The following ACVR1 variants were observed in gnomAD, a reference collection of about 807,000 sequenced individuals.
ACVR1 encodes activin A receptor type 1.
A neutral mutation model predicts 57.1 loss-of-function variants in ACVR1; 38 were observed. The observed-to-expected ratio is 0.67, with a 90% CI of 0.51 to 0.87. The LOEUF is 0.87. ACVR1 is among the 40% of genes least tolerant of loss of function. ACVR1 has a pLI of 0.00. For synonymous variants in ACVR1, 212 were observed against 228.1 expected, an observed-to-expected ratio of 0.93 and a Z score of 0.63; for missense variants, 463 against 638.2, an observed-to-expected ratio of 0.73 and a Z score of 2.96.
chr2:157,843,745 T>C (rs2105357698), intron 1 of ACVR1, among the ~76,000 whole-genome samples: 1 of 152,240 alleles, frequency 6.6e-6, no homozygotes, highest in South Asian at 2.1e-4. Flanking sequence ...TAAATAATGG[T>C]TATGTTGCAC....
At chr2:157,808,294 A>G (rs1687632019) in intron 2 of ACVR1, among the ~76,000 whole-genome samples, 1 of 152,238 alleles carries the variant, frequency 6.6e-6, no homozygotes, top group African/African-American at 2.4e-5. Context: ...GGTGCACAAT[A>G]TAAATTAAAA....
intron 3 of ACVR1, among the ~76,000 whole-genome samples, chr2:157,781,814 T>C (rs1426914546): frequency 6.6e-6 from 1 of 152,220 alleles, no homozygotes; most frequent in Non-Finnish European, 1.5e-5. Context: ...CAGTTTCTAC[T>C]AGTGGGGAAG....
intron 8 of ACVR1, among the ~76,000 whole-genome samples, chr2:157,763,980 C>T (rs942942538): frequency 6.6e-6 from 1 of 152,038 alleles, no homozygotes; most frequent in African/African-American, 2.4e-5. Flanking sequence ...GCAAAGTTCC[C>T]CTCAACTCCT....
At chr2:157,852,915 C>T (rs1689372384) in intron 1 of ACVR1, among the ~76,000 whole-genome samples, 1 of 152,146 alleles carries the variant, frequency 6.6e-6, no homozygotes, top group African/African-American at 2.4e-5. Context: ...CCCAAAGCCT[C>T]TATAGTAAAG....
intron 4 of ACVR1, 79 bp downstream of exon 4, chr2:157,780,258 C>A (rs1686453592): frequency 6.3e-7 from 1 of 1,599,240 alleles, no homozygotes; most frequent in Non-Finnish European, 8.6e-7. Context: ...CTCATAGCTA[C>A]TTAGATCTTT....
chr2:157,766,101 G>A lies in ACVR1; in HGVS notation c.886C>T (p.Gln296Ter). 1.2e-6 allele frequency: 2 copies of A among 1,614,124 alleles called. No individual in the cohort carries two copies. Among genetic ancestry groups the A allele is most frequent in the Non-Finnish European group, 1.7e-6 (2 of 1,179,992 alleles). ...HEMGSLYDYLQLTTLDTVSCL... is the reference protein window; with the variant it reads ...HEMGSLYDYL ...CTAACTGTATCCAGAGTAGTAAGCT[G>A]AAGATAGTCGTACAACGATCCCATT... The change falls in exon 8 of 11, where the codon CAG (glutamine) becomes TAG (stop). Residue 296 changes from glutamine (Q) to a stop codon, truncating the protein, a stop_gained. Transcript: ENST00000434821. LOFTEE classifies it high-confidence loss of function.
At chr2:157,817,145 T>C (rs1687968932) in intron 2 of ACVR1, among the ~76,000 whole-genome samples, 1 of 152,018 alleles carries the variant, frequency 6.6e-6, no homozygotes, top group African/African-American at 2.4e-5. Context: ...TTCTTTTTTG[T>C]AGAGACGGAG....
chr2:157,756,252 G>A lies in ACVR1; in HGVS notation c.1264+4628C>T, dbSNP rs142169498. ...GAAAAACCCTTTAGACATTGGCTTA[G>A]GAAAAGACTTCATCACCAAGAACCC... is the stretch of plus-strand genomic sequence containing the variant. On this transcript the variant is annotated intron_variant, in intron 9 of 10. Coordinates refer to ENST00000434821, the MANE Select transcript of ACVR1 (RefSeq NM_001111067.4). Among the ~76,000 whole-genome samples the A allele has an allele frequency of 3.7e-3, 562 of 152,096 alleles. 7 individuals carry two copies. Among genetic ancestry groups the A allele is most frequent in the African/African-American group, 0.013 (530 of 41,510 alleles).
At chr2:157,827,421 T>C (rs1185955269) in intron 1 of ACVR1, among the ~76,000 whole-genome samples, 1 of 152,218 alleles carries the variant, frequency 6.6e-6, no homozygotes, top group Non-Finnish European at 1.5e-5. Context: ...CGTTTTCTCA[T>C]TGGTTTTGTG....
intron 1 of ACVR1, among the ~76,000 whole-genome samples, chr2:157,829,048 G>A (rs941929612): frequency 1.4e-4 from 21 of 152,158 alleles, no homozygotes; most frequent in African/African-American, 2.2e-4. Flanking sequence ...GATTACAGGC[G>A]TGAGCCACTG....
Position 157,771,087 on chromosome 2 carries a change from C to T in ACVR1, c.644-573G>A, listed in dbSNP as rs565314539. On this transcript the variant is annotated intron_variant, in intron 6 of 10. Coordinates refer to ENST00000434821, the MANE Select transcript of ACVR1 (RefSeq NM_001111067.4). ...TAAAAAACAAAAACAAACCAAAACA[C>T]AATGCTGCTAGAAGATCGACATGCA... Among the ~76,000 whole-genome samples the T allele has an allele frequency of 5.9e-5, 9 of 152,302 alleles. No individual in the cohort carries two copies. The South Asian group carries it at 1.9e-3, about 32-fold the overall frequency.
intron 1 of ACVR1, among the ~76,000 whole-genome samples, chr2:157,861,128 T>A (rs1302797083): frequency 6.6e-6 from 1 of 152,202 alleles, no homozygotes; most frequent in African/African-American, 2.4e-5. Flanking sequence ...TGACCTCCAG[T>A]GCCCTCAAAC....
intron 3 of ACVR1, among the ~76,000 whole-genome samples, chr2:157,781,472 G>C (rs188102111): frequency 6.6e-6 from 1 of 152,198 alleles, no homozygotes; most frequent in Non-Finnish European, 1.5e-5. Flanking sequence ...TAACACTAAA[G>C]TTTACATAGA....
rs1417217566 is a variant in ACVR1, at chr2:157,756,976, TATATATATATTTGAG to T, written c.1264+3889_1264+3903del. Among the ~76,000 whole-genome samples, 956 of 145,138 alleles carry T rather than the reference TATATATATATTTGAG, an allele frequency of 6.6e-3. 14 individuals carry two copies. Among genetic ancestry groups the T allele is most frequent in the African/African-American group, 0.022 (880 of 39,510 alleles). On this transcript the variant is annotated intron_variant, in intron 9 of 10. Transcript: ENST00000434821. ...TACACGTATTTTTTATATATATTTA[TATATATATATTTGAG>T]ATATATATATTTGAGATATATATAT...
At chr2:157,826,935 AAG>A (rs1006150108) in intron 1 of ACVR1, among the ~76,000 whole-genome samples, 27 of 150,654 alleles carry the variant, frequency 1.8e-4, no homozygotes, top group South Asian at 6.4e-4. Flanking sequence ...GAAAGAAAGA[AAG>A]AGAGAAACAG....
At chr2:157,838,761 C>A (rs1222846422) in intron 1 of ACVR1, among the ~76,000 whole-genome samples, 1 of 152,144 alleles carries the variant, frequency 6.6e-6, no homozygotes, top group East Asian at 1.9e-4. Context: ...CATGGCTCTT[C>A]CAAGTATGTA....
At chr2:157,867,838 C>T (rs944287471) in intron 1 of ACVR1, among the ~76,000 whole-genome samples, 2 of 152,086 alleles carry the variant, frequency 1.3e-5, no homozygotes, top group Admixed American at 6.5e-5. Context: ...TAACCTTAGA[C>T]ATTCATATCA....
intron 4 of ACVR1, among the ~76,000 whole-genome samples, chr2:157,779,908 C>T (rs1265042037): frequency 6.6e-6 from 1 of 152,156 alleles, no homozygotes; most frequent in Admixed American, 6.5e-5. Flanking sequence ...CCTCATAAAA[C>T]AGGAAAGGCA....
chr2:157,753,512 A>G (rs2105239709), intron 9 of ACVR1, among the ~76,000 whole-genome samples: 1 of 152,318 alleles, frequency 6.6e-6, no homozygotes, highest in Middle Eastern at 3.4e-3. Context: ...TGGGCGACAG[A>G]GCGAGAATCC....
Sources: allele counts gnomAD v4.1 joint callset (sites outside exome capture counted in the v4.1 genomes callset), GRCh38; gene constraint gnomAD v4.1.1; transcripts MANE v1.5; gene names NCBI Gene and HGNC (gene_info 2026-07-23, HGNC 2026-07-21).